GFRAL: variants seen among roughly 807,000 people sequenced by gnomAD.
GFRAL encodes GDNF family receptor alpha like, also known as GDNF family receptor alpha-like.
Under a neutral mutation model 45.4 loss-of-function variants are expected in GFRAL, and 36 were observed. That is an observed-to-expected ratio of 0.79 (90% CI 0.61 to 1.05). The LOEUF is 1.05. GFRAL is among the 50% of genes least tolerant of loss of function. GFRAL has a pLI of 0.00. For synonymous variants in GFRAL, 166 were observed against 154.1 expected (o/e 1.08, Z -0.57); for missense variants, 507 against 467.5 (o/e 1.08, Z -0.78).
chr6:55,373,056 C>T (rs958884885), intron 6 of GFRAL, among the ~76,000 whole-genome samples: 2 of 151,326 alleles, frequency 1.3e-5, no homozygotes, highest in African/African-American at 2.4e-5. Context: ...CCACTATAAA[C>T]CTACATATAG....
intron 6 of GFRAL, among the ~76,000 whole-genome samples, chr6:55,374,781 A>G (rs891531925): frequency 1.3e-5 from 2 of 152,114 alleles, no homozygotes; most frequent in Non-Finnish European, 2.9e-5. Flanking sequence ...TCTTTAAGCC[A>G]TCTTGAGTTA....
intron 6 of GFRAL, among the ~76,000 whole-genome samples, chr6:55,377,786 A>T (rs1383345068): frequency 6.6e-6 from 1 of 152,114 alleles, no homozygotes; most frequent in Admixed American, 6.6e-5. Flanking sequence ...TGAAAGATCC[A>T]AAATTATTTT....
intron 6 of GFRAL, among the ~76,000 whole-genome samples, chr6:55,372,996 C>A (rs1286004946): frequency 6.6e-6 from 1 of 151,714 alleles, no homozygotes; most frequent in South Asian, 2.1e-4. Flanking sequence ...GACAGGAAAC[C>A]CACTGCCATC....
At chr6:55,331,875 C>T in intron 2 of GFRAL, 26 bp downstream of exon 2, 1 of 1,583,470 alleles carries the variant, frequency 6.3e-7, no homozygotes, top group Non-Finnish European at 8.6e-7. Flanking sequence ...AAAATACACT[C>T]AAATGATTTA....
At position 55,334,887 on chromosome 6, in the gene GFRAL, G is replaced by A. The variant is rs142545684; in HGVS notation, c.316+943G>A. On this transcript the variant is annotated intron_variant, in intron 3 of 8. Transcript: ENST00000340465. ...GTAAGTTTATTTTTCTTGAAGAGTAGTATTTCATTGTGTGAGTATATCACA... is the reference window on the plus strand; with the variant it reads ...GTAAGTTTATTTTTCTTGAAGAGTAATATTTCATTGTGTGAGTATATCACA... Among the ~76,000 whole-genome samples the A allele has an allele frequency of 2.6e-5, 4 of 152,214 alleles. No individual in the cohort carries two copies. The East Asian group carries it at 5.8e-4, about 22-fold the overall frequency.
intron 6 of GFRAL, among the ~76,000 whole-genome samples, chr6:55,393,211 T>C (rs960949980): frequency 1.3e-5 from 2 of 152,112 alleles, no homozygotes; most frequent in African/African-American, 4.8e-5. Flanking sequence ...CTAAAATATA[T>C]CCCCTGGAGA....
intron 8 of GFRAL, among the ~76,000 whole-genome samples, chr6:55,399,719 C>G (rs1224127559): frequency 6.6e-6 from 1 of 152,096 alleles, no homozygotes; most frequent in Non-Finnish European, 1.5e-5. Flanking sequence ...CATCTTTCCC[C>G]TTGGCTTCCC....
At chr6:55,399,508 C>A (rs1327045183) in intron 8 of GFRAL, 67 bp downstream of exon 8, 15 of 1,013,122 alleles carry the variant, frequency 1.5e-5, no homozygotes, top group Non-Finnish European at 1.9e-5. Flanking sequence ...AAGCATGTTG[C>A]ACAATGGCTG....
chr6:55,370,572 A>T (rs539078213), intron 6 of GFRAL, among the ~76,000 whole-genome samples: 1 of 152,212 alleles, frequency 6.6e-6, no homozygotes, highest in East Asian at 1.9e-4. Flanking sequence ...ATCTTAGTAC[A>T]TTTTTCTTGA....
intron 6 of GFRAL, among the ~76,000 whole-genome samples, chr6:55,382,356 CAAAT>C (rs1768622003): frequency 6.6e-6 from 1 of 151,776 alleles, no homozygotes; most frequent in Non-Finnish European, 1.5e-5. Context: ...AGAATAATAA[CAAAT>C]AAACTGTTTC....
chr6:55,349,731 G>T (rs1768088967), intron 3 of GFRAL, among the ~76,000 whole-genome samples: 1 of 151,290 alleles, frequency 6.6e-6, no homozygotes, highest in Non-Finnish European at 1.5e-5. Context: ...GCTGGGCAGG[G>T]TGGGAGGTAG....
intron 5 of GFRAL, among the ~76,000 whole-genome samples, chr6:55,356,931 C>A (rs146161863): frequency 0.028 from 4,194 of 151,786 alleles, 80 homozygotes; most frequent in African/African-American, 0.05. Context: ...AAATTTTACT[C>A]TTAATTTCTT....
intron 6 of GFRAL, among the ~76,000 whole-genome samples, chr6:55,378,450 C>A (rs1768563755): frequency 6.6e-6 from 1 of 151,978 alleles, no homozygotes; most frequent in Non-Finnish European, 1.5e-5. Flanking sequence ...AGAACACTAA[C>A]TGATCAGCCT....
intron 6 of GFRAL, among the ~76,000 whole-genome samples, chr6:55,388,211 G>A (rs112516401): frequency 1.4e-4 from 22 of 151,962 alleles, no homozygotes; most frequent in African/African-American, 5.3e-4. Context: ...ATTAACTGTA[G>A]ACACATGCTA....
chr6:55,360,743 T>C (rs938561264), intron 6 of GFRAL, among the ~76,000 whole-genome samples: 1 of 151,976 alleles, frequency 6.6e-6, no homozygotes, highest in African/African-American at 2.4e-5. Flanking sequence ...TTATAATGAA[T>C]GGCTCATATG....
rs1767780303 is a variant in GFRAL at position 55,327,480 on chromosome 6, A to G, written c.-75A>G. 4 of 1,505,262 alleles carry G rather than the reference A, an allele frequency of 2.7e-6. No homozygotes were observed. The highest frequency in any genetic ancestry group is 3.7e-6 in the Non-Finnish European group (4 of 1,084,362). 93.2% of individuals were successfully genotyped at this position (1,505,262 alleles called of 1,614,324 possible). On this transcript the variant is annotated 5_prime_UTR_variant, in exon 1 of 9. Transcript: ENST00000340465. ...CAGAGGCTGAAGCCTTATTCTGGAC[A>G]GTTACTCTTAAGAAAGTTGTCAGAA...
intron 6 of GFRAL, among the ~76,000 whole-genome samples, chr6:55,398,842 A>T (rs1768859635): frequency 6.6e-6 from 1 of 152,194 alleles, no homozygotes; most frequent in East Asian, 1.9e-4. Context: ...TTGTAAAGAA[A>T]GGATCTTTTT....
chr6:55,328,707 A>G (rs1425902545), intron 1 of GFRAL, among the ~76,000 whole-genome samples: 1 of 151,948 alleles, frequency 6.6e-6, no homozygotes, highest in Non-Finnish European at 1.5e-5. Context: ...TACATTACAG[A>G]CTCATTATGA....
At chr6:55,344,664 C>T (rs538088945) in intron 3 of GFRAL, among the ~76,000 whole-genome samples, 40 of 152,286 alleles carry the variant, frequency 2.6e-4, no homozygotes, top group South Asian at 6.2e-4. Context: ...CACTCCTATT[C>T]AACATAGTGT....
Sources: allele counts gnomAD v4.1 joint callset (sites outside exome capture counted in the v4.1 genomes callset), GRCh38; gene constraint gnomAD v4.1.1; transcripts MANE v1.5; gene names NCBI Gene and HGNC (gene_info 2026-07-23, HGNC 2026-07-21).